The following RAB2A variants were observed in gnomAD, a reference collection of about 807,000 sequenced individuals.
RAB2A encodes ras-related protein Rab-2A.
In RAB2A, 7 loss-of-function variants were observed where a neutral mutation model predicts 32.5. The ratio of observed to expected loss-of-function variants is 0.22; its 90% confidence interval spans 0.12 to 0.40. RAB2A has a LOEUF of 0.40. RAB2A is among the 10% of genes least tolerant of loss of function. RAB2A has a pLI of 1.00. For missense variants in RAB2A, 108 were observed against 260.7 expected, an observed-to-expected ratio of 0.41 and a Z score of 4.03; for synonymous variants, 79 against 85.2, an observed-to-expected ratio of 0.93 and a Z score of 0.40.
Position 60,584,825 on chromosome 8 carries a change from C to T in RAB2A, c.362+10C>T. On this transcript the variant is annotated intron_variant, in intron 5 of 7. Transcript: ENST00000262646. ...TTATTGGAAATAAAAGGTAAAAAGG[C>T]TAATTTAGAGCTTACATTGCATTAG... The T allele has an allele frequency of 2.5e-6, 4 of 1,589,396 alleles. No individual in the cohort carries two copies. Among genetic ancestry groups the T allele is most frequent in the Non-Finnish European group, 3.5e-6 (4 of 1,158,376 alleles).
chr8:60,570,977 C>T (rs747656726), intron 2 of RAB2A, among the ~76,000 whole-genome samples: 4 of 152,128 alleles, frequency 2.6e-5, no homozygotes, highest in Non-Finnish European at 5.9e-5. Flanking sequence ...TTCCCTTCAC[C>T]CTGACTCTGA....
At chr8:60,592,042 ATTAT>A (rs1187966593) in intron 6 of RAB2A, 73 bp downstream of exon 6, 5 of 918,118 alleles carry the variant, frequency 5.4e-6, no homozygotes, top group East Asian at 2.7e-5. Context: ...CATTTTACTT[ATTAT>A]TTAAGTTTTT....
At chr8:60,603,739 G>A (rs369899780) in intron 6 of RAB2A, among the ~76,000 whole-genome samples, 14 of 152,110 alleles carry the variant, frequency 9.2e-5, no homozygotes, top group East Asian at 5.8e-4. Flanking sequence ...TTAAAAATGA[G>A]TGCAAATGTC....
chr8:60,584,890 C>T (rs2130849369), intron 5 of RAB2A, 75 bp downstream of exon 5: 1 of 1,091,876 alleles, frequency 9.2e-7, no homozygotes, highest in South Asian at 1.8e-5. Context: ...CTTTCCTTAA[C>T]ATTTGTTCAA....
chr8:60,546,191 A>G (rs970619465), intron 1 of RAB2A, among the ~76,000 whole-genome samples: 3 of 152,228 alleles, frequency 2.0e-5, no homozygotes, highest in Non-Finnish European at 4.4e-5. Context: ...CTGTTTGTTT[A>G]GGAAAACAAG....
intron 1 of RAB2A, among the ~76,000 whole-genome samples, chr8:60,525,763 A>G (rs1316360800): frequency 6.6e-6 from 1 of 152,044 alleles, no homozygotes; most frequent in Non-Finnish European, 1.5e-5. Flanking sequence ...TGCCTGGTAC[A>G]GAGTTAGAGT....
intron 1 of RAB2A, among the ~76,000 whole-genome samples, chr8:60,523,925 C>T (rs1208514184): frequency 2.0e-5 from 3 of 152,040 alleles, no homozygotes; most frequent in Non-Finnish European, 4.4e-5. Flanking sequence ...CTCCTGACCT[C>T]GTGATCCGCC....
At position 60,575,245 on chromosome 8, in the gene RAB2A, C is replaced by A. The variant is rs111707816; in HGVS notation, c.186+3132C>A. On this transcript the variant is annotated intron_variant, in intron 3 of 7. Transcript: ENST00000262646. ...TCTTGAGTAGCTGGGACTACACATG[C>A]ATGCCACCACATGCAGCTAATTTTC... 4.0e-3 allele frequency among the ~76,000 whole-genome samples: 606 copies of A among 152,090 alleles called. 7 individuals carry two copies. Among genetic ancestry groups the A allele is most frequent in the African/African-American group, 0.014 (585 of 41,496 alleles).
chr8:60,563,639 A>G (rs1376990004), intron 2 of RAB2A, among the ~76,000 whole-genome samples: 1 of 152,176 alleles, frequency 6.6e-6, no homozygotes, highest in Admixed American at 6.5e-5. Flanking sequence ...TTTCTCTCAG[A>G]ACTCATCATT....
At chr8:60,610,919 G>A (rs929117062) in intron 6 of RAB2A, among the ~76,000 whole-genome samples, 2 of 152,126 alleles carry the variant, frequency 1.3e-5, no homozygotes, top group African/African-American at 4.8e-5. Context: ...AGAATTCCAC[G>A]TGTCTAAAAG....
At chr8:60,553,575 T>C (rs1373144551) in intron 1 of RAB2A, among the ~76,000 whole-genome samples, 1 of 152,244 alleles carries the variant, frequency 6.6e-6, no homozygotes, top group Non-Finnish European at 1.5e-5. Context: ...TAACCAGTAC[T>C]GTACAGGGTC....
intron 1 of RAB2A, among the ~76,000 whole-genome samples, chr8:60,546,532 A>G (rs1031714403): frequency 6.6e-6 from 1 of 152,236 alleles, no homozygotes; most frequent in Non-Finnish European, 1.5e-5. Context: ...CATTAAAGAA[A>G]GGATAAACTA....
In RAB2A at chr8:60,621,620, G is replaced by T. The variant is rs1454289293; in HGVS notation, c.*851G>T. On this transcript the variant is annotated 3_prime_UTR_variant, in exon 8 of 8. Coordinates refer to ENST00000262646, the MANE Select transcript of RAB2A (RefSeq NM_002865.3). ...AATTTCTACATCTTAGCGACTCCAA[G>T]AAGAATGAGTATCCACATTTAGATG... is the stretch of plus-strand genomic sequence containing the variant. 1.3e-5 allele frequency: 2 copies of T among 152,154 alleles called. No homozygotes were observed. Among genetic ancestry groups the T allele is most frequent in the African/African-American group, 4.8e-5 (2 of 41,432 alleles). 9.4% of individuals were successfully genotyped at this position (152,154 alleles called of 1,614,324 possible). A position where few individuals can be genotyped will look rare whatever the true frequency, so the allele number is the denominator to read the frequency against.
intron 6 of RAB2A, among the ~76,000 whole-genome samples, chr8:60,611,691 A>G (rs1314704213): frequency 6.6e-6 from 1 of 152,236 alleles, no homozygotes; most frequent in African/African-American, 2.4e-5. Context: ...TAGGAACAGG[A>G]AATTCTTTTT....
At chr8:60,552,175 G>C (rs1807862581) in intron 1 of RAB2A, among the ~76,000 whole-genome samples, 1 of 151,500 alleles carries the variant, frequency 6.6e-6, no homozygotes, top group Non-Finnish European at 1.5e-5. Flanking sequence ...GCTACTTTCT[G>C]TATTTTTAGT....
chr8:60,591,939 G>A lies in RAB2A; in HGVS notation c.444G>A (p.Thr148=), dbSNP rs750325171. ...AACATGGACTCATCTTCATGGAAAC[G>A]TCTGCTAAGACTGCTTCCAATGTAG... ...AREHGLIFME[T]SAKTASNVEE... is the part of the protein sequence containing the mutation. Residue 148 remains threonine (T), a synonymous_variant, in exon 6 of 8, where the codon ACG becomes ACA. Transcript: ENST00000262646. 9.9e-6 allele frequency: 16 copies of A among 1,611,906 alleles called. No individual in the cohort carries two copies. Among genetic ancestry groups the A allele is most frequent in the Admixed American group, 6.7e-5 (4 of 59,932 alleles).
At chr8:60,547,697 G>C (rs1329152037) in intron 1 of RAB2A, among the ~76,000 whole-genome samples, 10 of 117,222 alleles carry the variant, frequency 8.5e-5, no homozygotes, top group Admixed American at 8.4e-4. Context: ...CTGGCCGGGC[G>C]GGGGGGCTGA....
intron 5 of RAB2A, 151 bp from the exon 6 acceptor site, chr8:60,591,707 C>G: frequency 1.9e-6 from 1 of 520,552 alleles, no homozygotes; most frequent in South Asian, 2.8e-5. Context: ...AAATACTAAC[C>G]CTCATAATAC....
rs1804561297 is a variant in RAB2A, at chr8:60,623,432, C to G, written c.*2663C>G. Reference sequence around the variant, plus strand: ...TCTGTCATAGATAGTAAAGCCCCATCTCAGTTTATTTAGTCCTGAGGTTGG... The same window carrying G: ...TCTGTCATAGATAGTAAAGCCCCATGTCAGTTTATTTAGTCCTGAGGTTGG... On this transcript the variant is annotated 3_prime_UTR_variant, in exon 8 of 8. Coordinates refer to ENST00000262646, the MANE Select transcript of RAB2A (RefSeq NM_002865.3). 1 of 152,142 alleles carries G rather than the reference C, an allele frequency of 6.6e-6. No homozygotes were observed. The allele number at this position is 152,142 out of a possible 1,614,324, so 9.4% of individuals were successfully genotyped here.
Sources: allele counts gnomAD v4.1 joint callset (sites outside exome capture counted in the v4.1 genomes callset), GRCh38; gene constraint gnomAD v4.1.1; transcripts MANE v1.5; gene names NCBI Gene and HGNC (gene_info 2026-07-23, HGNC 2026-07-21).